The following IRF2 variants were observed in gnomAD, a reference collection of about 807,000 sequenced individuals.
IRF2 encodes the protein interferon regulatory factor 2.
IRF2 carries 15 observed loss-of-function variants against 40.6 expected under a neutral mutation model. The observed-to-expected ratio is 0.37, with a 90% CI of 0.25 to 0.57. The LOEUF (loss-of-function observed/expected upper bound fraction) is 0.57. Among genes scored for constraint, IRF2 ranks in the 20% least tolerant of loss-of-function variants. The pLI, the probability that IRF2 is intolerant of heterozygous loss-of-function variation, is 0.77. For synonymous variants in IRF2, 151 were observed against 165.5 expected, an observed-to-expected ratio of 0.91 and a Z score of 0.67; for missense variants, 317 against 455.7, an observed-to-expected ratio of 0.70 and a Z score of 2.77.
chr4:184,470,119 CAG>C (rs991006626), intron 1 of IRF2, among the ~76,000 whole-genome samples: 1 of 152,190 alleles, frequency 6.6e-6, no homozygotes, highest in African/African-American at 2.4e-5. Flanking sequence ...AGGCCAAACA[CAG>C]GGGGCCGACG....
At chr4:184,453,798 C>T (rs920856980) in intron 1 of IRF2, among the ~76,000 whole-genome samples, 1 of 152,018 alleles carries the variant, frequency 6.6e-6, no homozygotes, top group African/African-American at 2.4e-5. Flanking sequence ...TTTGTGTCAC[C>T]CAGTCACCTT....
At chr4:184,391,137 T>G (rs1039496838) in intron 7 of IRF2, among the ~76,000 whole-genome samples, 2 of 152,240 alleles carry the variant, frequency 1.3e-5, no homozygotes, top group African/African-American at 4.8e-5. Flanking sequence ...CAAAAGGTCT[T>G]CCTACATTAT....
chr4:184,430,810 C>T (rs1212149714), intron 1 of IRF2, among the ~76,000 whole-genome samples: 1 of 152,172 alleles, frequency 6.6e-6, no homozygotes, highest in Non-Finnish European at 1.5e-5. Context: ...ATTTTCCCAC[C>T]TCAGCCTCCC....
intron 1 of IRF2, among the ~76,000 whole-genome samples, chr4:184,455,270 T>TC (rs1554017264): frequency 6.8e-5 from 2 of 29,400 alleles, no homozygotes; most frequent in African/African-American, 2.5e-4. Context: ...TCCCTCCCTC[T>TC]CCCTCCCCTC....
At chr4:184,452,444 T>G (rs1372058310) in intron 1 of IRF2, among the ~76,000 whole-genome samples, 1 of 152,102 alleles carries the variant, frequency 6.6e-6, no homozygotes, top group Non-Finnish European at 1.5e-5. Flanking sequence ...TTGCTCATGT[T>G]CTCATGCCGG....
Position 184,466,261 on chromosome 4 carries a change from G to T in IRF2, c.-7+8118C>A, listed in dbSNP as rs547480879. Among the ~76,000 whole-genome samples, 40 of 152,140 alleles carry T rather than the reference G, an allele frequency of 2.6e-4. No homozygotes were observed. In the South Asian group the frequency reaches 4.4e-3, roughly 17 times the overall value. ...AGACGGGGTTTCACCATGTTGGCCA[G>T]GCTGATCTTGAACTCCTGACCTCAG... On this transcript the variant is annotated intron_variant, in intron 1 of 8. Transcript: ENST00000393593.
At chr4:184,424,939 C>T (rs1737615170) in intron 2 of IRF2, among the ~76,000 whole-genome samples, 1 of 152,306 alleles carries the variant, frequency 6.6e-6, no homozygotes, top group African/African-American at 2.4e-5. Flanking sequence ...CCTTCAAATC[C>T]ATGACATTCA....
intron 1 of IRF2, among the ~76,000 whole-genome samples, chr4:184,438,744 C>T (rs1737859541): frequency 6.6e-6 from 1 of 152,144 alleles, no homozygotes; most frequent in South Asian, 2.1e-4. Flanking sequence ...GAGAAGCATA[C>T]CCTAAGAGCT....
chr4:184,389,972 A>T (rs1224778758), intron 8 of IRF2, among the ~76,000 whole-genome samples: 6 of 152,246 alleles, frequency 3.9e-5, no homozygotes, highest in African/African-American at 1.4e-4. Flanking sequence ...AACCTTGAAG[A>T]AATCAGGCCA....
At chr4:184,472,785 A>T (rs1739559699) in intron 1 of IRF2, among the ~76,000 whole-genome samples, 1 of 152,134 alleles carries the variant, frequency 6.6e-6, no homozygotes, top group Admixed American at 6.5e-5. Context: ...CCGGGATCAC[A>T]TCCGCAGCCG....
At chr4:184,445,654 CAAA>C (rs386683242) in intron 1 of IRF2, among the ~76,000 whole-genome samples, 1 of 120,880 alleles carries the variant, frequency 8.3e-6, no homozygotes. Flanking sequence ...GACTCCATCA[CAAA>C]AAAAAAAAAA....
chr4:184,420,782 C>T (rs1478770726), intron 2 of IRF2, among the ~76,000 whole-genome samples: 1 of 152,196 alleles, frequency 6.6e-6, no homozygotes, highest in Non-Finnish European at 1.5e-5. Flanking sequence ...CCACAGCCTA[C>T]TGAGTGAGGT....
intron 1 of IRF2, among the ~76,000 whole-genome samples, chr4:184,434,455 GAAGT>G (rs1738007605): frequency 6.6e-6 from 1 of 152,026 alleles, no homozygotes; most frequent in Non-Finnish European, 1.5e-5. Context: ...GTTGTTTTTA[GAAGT>G]AAAATGCTAA....
chr4:184,388,965 G>A lies in IRF2; in HGVS notation c.843C>T (p.Val281=), dbSNP rs1284350724. Residue 281 remains valine (V), a synonymous_variant, in exon 9 of 9, where the codon GTC becomes GTT. Transcript: ENST00000393593. The surrounding 1 kb of genome is among the most constrained non-coding windows in gnomAD (Gnocchi z 4.6). ...CCTGGAGGTCCGGTTTGTTGGAAGT[G>A]ACGAAGGACGCCATGCCGGGCAGCA... is the stretch of plus-strand genomic sequence containing the variant. The part of the protein sequence containing the change: ...SYLLPGMASF[V]TSNKPDLQVT... 6.2e-7 allele frequency: 1 copy of A among 1,614,210 alleles called. No homozygotes were observed. The highest frequency in any genetic ancestry group is 1.1e-5 in the South Asian group (1 of 91,084).
At chr4:184,435,333 A>G (rs972797019) in intron 1 of IRF2, among the ~76,000 whole-genome samples, 1 of 152,186 alleles carries the variant, frequency 6.6e-6, no homozygotes, top group Non-Finnish European at 1.5e-5. Flanking sequence ...ACTGACAGTC[A>G]TCTTCCTAAA....
chr4:184,394,899 A>G (rs1465423387), intron 7 of IRF2, among the ~76,000 whole-genome samples: 1 of 152,228 alleles, frequency 6.6e-6, no homozygotes, highest in Non-Finnish European at 1.5e-5. Flanking sequence ...AAAGTTTCAC[A>G]AATCACACTA....
chr4:184,428,887 T>C, intron 2 of IRF2, 91 bp downstream of exon 2: 2 of 1,016,154 alleles, frequency 2.0e-6, no homozygotes, highest in South Asian at 2.5e-5. Context: ...GCCTAAGATT[T>C]TGAATACACA....
chr4:184,423,503 C>T (rs11945823), intron 2 of IRF2, among the ~76,000 whole-genome samples: 4,228 of 152,190 alleles, frequency 0.028, 200 homozygotes, highest in African/African-American at 0.096. Flanking sequence ...GACTCCTTAC[C>T]GTGGTCAGAG....
Position 184,407,236 on chromosome 4 carries a change from C to T in IRF2, c.529+922G>A, listed in dbSNP as rs566160820. On this transcript the variant is annotated intron_variant, in intron 6 of 8. Coordinates refer to ENST00000393593, the MANE Select transcript of IRF2 (RefSeq NM_002199.4). ...CAATTCAGCATGCTGCTGGCTTCTT[C>T]CGTTTCCCAAAAACAGAAGTCACCA... 6.2e-6 allele frequency: 8 copies of T among 1,288,818 alleles called. No individual in the cohort carries two copies. The East Asian group carries it at 4.4e-4, about 72-fold the overall frequency. 79.8% of individuals were successfully genotyped at this position (1,288,818 alleles called of 1,614,324 possible).
Sources: gnomAD v4.1 joint callset for allele counts (sites outside exome capture counted in the v4.1 genomes callset) on GRCh38, gnomAD v4.1.1 for gene constraint, Gnocchi (gnomAD v3.1) non-coding constraint, MANE v1.5 for transcripts, NCBI Gene and HGNC (gene_info 2026-07-23, HGNC 2026-07-21) for gene names.